LANCL1: variants seen among roughly 807,000 people sequenced by gnomAD.
The protein encoded by LANCL1 is LanC like glutathione S-transferase 1.
A neutral mutation model predicts 50.6 loss-of-function variants in LANCL1; 50 were observed. The observed-to-expected ratio is 0.99, with a 90% CI of 0.79 to 1.25. The LOEUF is 1.25. Ranked by LOEUF, LANCL1 falls within the 50% of genes most tolerant of loss-of-function variation. The pLI, the probability that LANCL1 is intolerant of heterozygous loss-of-function variation, is 0.00. For missense variants in LANCL1, 532 were observed against 480.7 expected, an observed-to-expected ratio of 1.11 and a Z score of -1.00; for synonymous variants, 188 against 178.6, an observed-to-expected ratio of 1.05 and a Z score of -0.42.
chr2:210,439,873 C>A (rs998833782), intron 6 of LANCL1, among the ~76,000 whole-genome samples: 2 of 152,116 alleles, frequency 1.3e-5, no homozygotes, highest in African/African-American at 2.4e-5. Flanking sequence ...GACAGGGGTA[C>A]CTCTGCTGCC....
intron 4 of LANCL1, among the ~76,000 whole-genome samples, chr2:210,454,678 A>AT (rs1693611865): frequency 6.6e-6 from 1 of 152,184 alleles, no homozygotes; most frequent in Non-Finnish European, 1.5e-5. Context: ...GACCACCATA[A>AT]TTTATACCAA....
chr2:210,437,902 G>A (rs757101401), intron 6 of LANCL1, 30 bp from the exon 7 acceptor site: 13 of 1,534,516 alleles, frequency 8.5e-6, no homozygotes, highest in Middle Eastern at 1.7e-4. Flanking sequence ...TATTAGTTCT[G>A]CTGAAGCAAA....
rs149096888 is a variant in LANCL1 at position 210,442,132 on chromosome 2, G to A, written c.408-689C>T. ...TTGGTCACGCTGGTCTCCAATTCCC[G>A]ACCTCAGGTGATCAGCCTGCCTCAG... is the stretch of plus-strand genomic sequence containing the variant. On this transcript the variant is annotated intron_variant, in intron 4 of 9. Transcript: ENST00000450366. Among the ~76,000 whole-genome samples, 124 of 152,088 alleles carry A rather than the reference G, an allele frequency of 8.2e-4. 2 individuals carry two copies. In the East Asian group the frequency reaches 0.022, roughly 27 times the overall value.
chr2:210,443,939 C>A (rs1361024455), intron 4 of LANCL1, among the ~76,000 whole-genome samples: 1 of 152,124 alleles, frequency 6.6e-6, no homozygotes, highest in Non-Finnish European at 1.5e-5. Context: ...TACGGGCTTT[C>A]CCACTCTTTG....
At chr2:210,444,852 T>C (rs1411875639) in intron 4 of LANCL1, among the ~76,000 whole-genome samples, 1 of 152,072 alleles carries the variant, frequency 6.6e-6, no homozygotes, top group African/African-American at 2.4e-5. Flanking sequence ...CATATATATC[T>C]ACACACACAC....
In LANCL1 at chr2:210,457,837, T is replaced by G. The variant is rs990167145; in HGVS notation, c.200-2523A>C. 2.0e-5 allele frequency among the ~76,000 whole-genome samples: 3 copies of G among 152,196 alleles called. No homozygotes were observed. In the East Asian group the frequency reaches 5.8e-4, roughly 29 times the overall value. Reference sequence around the variant, plus strand: ...GAAAATGAGGAGTTAGCTCTTGTGATGGAGAGTAAGTGGTTTTCCAAATGT... The same window carrying G: ...GAAAATGAGGAGTTAGCTCTTGTGAGGGAGAGTAAGTGGTTTTCCAAATGT... On this transcript the variant is annotated intron_variant, in intron 3 of 9. Transcript: ENST00000450366.
intron 4 of LANCL1, among the ~76,000 whole-genome samples, chr2:210,447,652 G>T (rs1242864726): frequency 6.6e-6 from 1 of 152,146 alleles, no homozygotes; most frequent in African/African-American, 2.4e-5. Context: ...ATAAAGGGAT[G>T]GAGGCATATT....
chr2:210,433,564 T>C lies in LANCL1; in HGVS notation c.*923A>G, dbSNP rs1296171699. Reference sequence around the variant, plus strand: ...GCTTATACCAAAGAGTCAGCACTAATGCATAGTCACTGTAAAAACCCAAGT... The same window carrying C: ...GCTTATACCAAAGAGTCAGCACTAACGCATAGTCACTGTAAAAACCCAAGT... On this transcript the variant is annotated 3_prime_UTR_variant, in exon 10 of 10. Coordinates refer to ENST00000450366, the MANE Select transcript of LANCL1 (RefSeq NM_006055.3). 2 of 152,154 alleles carry C rather than the reference T, an allele frequency of 1.3e-5. No individual in the cohort carries two copies. The highest frequency in any genetic ancestry group is 2.9e-5 in the Non-Finnish European group (2 of 68,018). The allele number at this position is 152,154 out of a possible 1,614,324, so 9.4% of individuals were successfully genotyped here.
intron 4 of LANCL1, among the ~76,000 whole-genome samples, chr2:210,452,505 C>T (rs1344740890): frequency 6.6e-6 from 1 of 152,136 alleles, no homozygotes; most frequent in East Asian, 1.9e-4. Context: ...CTCCACTCCC[C>T]AGCCATTTGT....
At position 210,436,520 on chromosome 2, in the gene LANCL1, G is replaced by C. The variant is rs184930229; in HGVS notation, c.874-128C>G. The C allele has an allele frequency of 5.6e-4, 478 of 854,690 alleles. 1 individual carries two copies. The highest frequency in any genetic ancestry group is 1.1e-3 in the Middle Eastern group (4 of 3,654). 52.9% of individuals were successfully genotyped at this position (854,690 alleles called of 1,614,324 possible). ...AGAAAGGGTAAAGGATTTAGTGACA[G>C]AGGGATGTGTTATGTTGCTAGTGAC... On this transcript the variant is annotated intron_variant, in intron 7 of 9. Transcript: ENST00000450366.
chr2:210,435,366 T>C (rs1158717892), intron 9 of LANCL1, 21 bp downstream of exon 9: 1 of 1,585,818 alleles, frequency 6.3e-7, no homozygotes, highest in Non-Finnish European at 8.7e-7. Flanking sequence ...ATAGGGCAAA[T>C]AAATAAAGTG....
chr2:210,469,850 A>T (rs1694172426), intron 3 of LANCL1, among the ~76,000 whole-genome samples: 1 of 152,196 alleles, frequency 6.6e-6, no homozygotes. Context: ...ACTTGAAATC[A>T]ATCCCCTTTT....
Position 210,437,692 on chromosome 2 carries a change from T to C in LANCL1, c.871A>G (p.Lys291Glu). The C allele has an allele frequency of 6.3e-7, 1 of 1,580,518 alleles. No individual in the cohort carries two copies. The highest frequency in any genetic ancestry group is 8.6e-7 in the Non-Finnish European group (1 of 1,166,594). ...TATTTCAAAAATACACACAGTACCT[T>C]ATAGGCCTGGATGAGCATGTAGATT... ...GVIYMLIQAY[K>E]VFREEKYLCD... is the part of the protein sequence containing the mutation. The change falls in exon 7 of 10, where the codon AAG becomes GAG. Residue 291 changes from lysine (K) to glutamate (E), a missense_variant and splice_region_variant. Coordinates refer to ENST00000450366, the MANE Select transcript of LANCL1 (RefSeq NM_006055.3).
chr2:210,472,015 T>C lies in LANCL1; in HGVS notation c.143A>G (p.Glu48Gly). ...NKIRELLQQMERGLKSADPRD... is the reference protein window; with the variant it reads ...NKIRELLQQMGRGLKSADPRD... ...AGGGTCTGCTGATTTCAGGCCTCTCTCCATTTGCTGAAGAAGCTCCCGAAT... is the reference window on the plus strand; with the variant it reads ...AGGGTCTGCTGATTTCAGGCCTCTCCCCATTTGCTGAAGAAGCTCCCGAAT... Residue 48 changes from glutamate to glycine, a missense_variant, in exon 3 of 10, where the codon GAG (glutamate) becomes GGG (glycine). By Grantham distance (98) the Glu-to-Gly change is moderately conservative. Coordinates refer to ENST00000450366, the MANE Select transcript of LANCL1 (RefSeq NM_006055.3). The C allele has an allele frequency of 1.2e-6, 2 of 1,614,152 alleles. No individual in the cohort carries two copies. Among genetic ancestry groups the C allele is most frequent in the Non-Finnish European group, 1.7e-6 (2 of 1,180,004 alleles).
At chr2:210,476,820 C>T (rs1467132481), upstream of LANCL1, 11 of 1,004,746 alleles carry the variant, frequency 1.1e-5, no homozygotes, top group East Asian at 1.0e-4. Flanking sequence ...CCGCCCCCTT[C>T]TCTCTTACAG....
chr2:210,441,709 G>A (rs1360262873), intron 4 of LANCL1, among the ~76,000 whole-genome samples: 1 of 152,064 alleles, frequency 6.6e-6, no homozygotes, highest in Non-Finnish European at 1.5e-5. Context: ...GTTCCTCATG[G>A]AGGCAGGCCC....
intron 3 of LANCL1, chr2:210,460,636 A>G (rs148182742): frequency 2.0e-5 from 3 of 152,306 alleles, no homozygotes; most frequent in Middle Eastern, 3.4e-3. Context: ...ACAAAATCAC[A>G]TTTGTCTTTA....
chr2:210,476,959 C>G (rs1000208499), upstream of LANCL1, among the ~76,000 whole-genome samples: 1 of 152,050 alleles, frequency 6.6e-6, no homozygotes, highest in Admixed American at 6.5e-5. Flanking sequence ...TTTAATTTTT[C>G]TTATTTTTAA....
At chr2:210,458,257 T>G (rs1029089960) in intron 3 of LANCL1, among the ~76,000 whole-genome samples, 2 of 152,178 alleles carry the variant, frequency 1.3e-5, no homozygotes, top group Non-Finnish European at 2.9e-5. Flanking sequence ...TTAAAGCCAC[T>G]GTTATTTTAG....
Sources: allele counts gnomAD v4.1 joint callset (sites outside exome capture counted in the v4.1 genomes callset), GRCh38; gene constraint gnomAD v4.1.1; transcripts MANE v1.5; gene names NCBI Gene and HGNC (gene_info 2026-07-23, HGNC 2026-07-21).